ANKRD36C: variants seen among roughly 807,000 people sequenced by gnomAD.
ANKRD36C encodes ankyrin repeat domain-containing protein 36C.
Under a neutral mutation model 276.4 loss-of-function variants are expected in ANKRD36C, and 61 were observed. The ratio of observed to expected loss-of-function variants is 0.22; its 90% CI spans 0.18 to 0.27. The LOEUF (loss-of-function observed/expected upper bound fraction) is 0.27. Among genes scored for constraint, ANKRD36C ranks in the 10% least tolerant of loss-of-function variants. The pLI, the probability that ANKRD36C is intolerant of heterozygous loss-of-function variation, is 1.00. For synonymous variants in ANKRD36C, 483 were observed against 680.1 expected, an observed-to-expected ratio of 0.71 and a Z score of 4.51; for missense variants, 1,447 against 2,032.3, an observed-to-expected ratio of 0.71 and a Z score of 5.54.
intron 61 of ANKRD36C, among the ~76,000 whole-genome samples, chr2:95,858,516 A>T (rs75582530): frequency 6.6e-6 from 1 of 152,210 alleles, no homozygotes; most frequent in Non-Finnish European, 1.5e-5. Flanking sequence ...TAAAGTTACA[A>T]GATAAAAATC....
At chr2:95,891,157 C>G (rs1372148536) in intron 46 of ANKRD36C, among the ~76,000 whole-genome samples, 4 of 151,270 alleles carry the variant, frequency 2.6e-5, no homozygotes, top group Non-Finnish European at 1.5e-5. Flanking sequence ...CAGCAGAAAC[C>G]CCAAAATTAT....
At chr2:95,974,534 G>A (rs192428776) in intron 6 of ANKRD36C, among the ~76,000 whole-genome samples, 2 of 152,134 alleles carry the variant, frequency 1.3e-5, no homozygotes, top group Non-Finnish European at 2.9e-5. Flanking sequence ...AAAGGGAATT[G>A]CACTAAAACA....
intron 48 of ANKRD36C, among the ~76,000 whole-genome samples, chr2:95,889,443 A>G (rs923574478): frequency 3.3e-5 from 5 of 151,568 alleles, no homozygotes; most frequent in African/African-American, 9.7e-5. Flanking sequence ...TTATCACAAT[A>G]CAATCTGACG....
intron 58 of ANKRD36C, among the ~76,000 whole-genome samples, chr2:95,878,437 G>A (rs1194113055): frequency 1.3e-5 from 2 of 151,960 alleles, no homozygotes; most frequent in Non-Finnish European, 2.9e-5. Flanking sequence ...AAAAAAATAG[G>A]TTTCTTAGTA....
chr2:95,980,739 T>G (rs1331626301), exon 5 of ANKRD36C: 2 of 1,608,862 alleles, frequency 1.2e-6, no homozygotes, highest in Non-Finnish European at 1.7e-6. Context: ...AGAAGAAGAA[T>G]GACTATATCT....
intron 12 of ANKRD36C, among the ~76,000 whole-genome samples, chr2:95,958,260 C>T (rs1470795138): frequency 2.6e-5 from 4 of 151,880 alleles, no homozygotes; most frequent in Non-Finnish European, 5.9e-5. Context: ...ATTTCTAGTA[C>T]TTCATCTTGT....
rs1402419511 is a variant in ANKRD36C, at chr2:95,865,042, TATTTGGATTAGCA to T, written c.3682+2385_3682+2397del. Among the ~76,000 whole-genome samples the T allele has an allele frequency of 2.6e-5, 4 of 152,056 alleles. No homozygotes were observed. The East Asian group carries it at 7.7e-4, about 29-fold the overall frequency. ...TTTTCTATAGTTTTATAAAAATGTA[TATTTGGATTAGCA>T]ATGCTCAACCTGTATAAATAAAGTC... On this transcript the variant is annotated intron_variant, in intron 60 of 66. Transcript: ENST00000456556.
At chr2:95,888,617 C>T (rs918666013) in intron 48 of ANKRD36C, among the ~76,000 whole-genome samples, 2 of 151,744 alleles carry the variant, frequency 1.3e-5, no homozygotes, top group African/African-American at 4.8e-5. Flanking sequence ...CTTTACGTCT[C>T]TTCAGTGGAA....
chr2:95,909,062 C>T (rs560190628), intron 42 of ANKRD36C, among the ~76,000 whole-genome samples: 1 of 151,010 alleles, frequency 6.6e-6, no homozygotes, highest in East Asian at 2.0e-4. Context: ...CATGATCCCA[C>T]TTATCTTTCA....
In ANKRD36C at chr2:95,958,206, T is replaced by C. The variant is rs574709789; in HGVS notation, c.1105+385A>G. 1.1e-4 allele frequency among the ~76,000 whole-genome samples: 17 copies of C among 152,154 alleles called. No homozygotes were observed. In the South Asian group the frequency reaches 3.3e-3, roughly 30 times the overall value. On this transcript the variant is annotated intron_variant, in intron 12 of 66. Coordinates refer to ENST00000456556, the Ensembl canonical transcript of ANKRD36C. ...CTATAGTTTTTATGGCTTTTTACGA[T>C]CACTTCTTCCCTCCGGTTTTAGCAA...
intron 17 of ANKRD36C, among the ~76,000 whole-genome samples, chr2:95,946,492 C>T (rs1678054776): frequency 7.0e-6 from 1 of 143,256 alleles, no homozygotes; most frequent in Non-Finnish European, 1.5e-5. Flanking sequence ...TTGTGGAAGT[C>T]AGTGTGGCGA....
chr2:95,912,276 C>A, exon 42 of ANKRD36C: 4 of 1,558,998 alleles, frequency 2.6e-6, no homozygotes, highest in Non-Finnish European at 2.6e-6. Context: ...CTTTTTTTCT[C>A]TGGTTATATT....
intron 34 of ANKRD36C, among the ~76,000 whole-genome samples, chr2:95,919,150 T>G (rs1266553962): frequency 7.4e-6 from 1 of 135,552 alleles, no homozygotes; most frequent in Non-Finnish European, 1.7e-5. Flanking sequence ...AAATCAAATA[T>G]TTTTTAAGCA....
At chr2:95,923,062 C>T (rs1236567843) in intron 32 of ANKRD36C, among the ~76,000 whole-genome samples, 1 of 151,586 alleles carries the variant, frequency 6.6e-6, no homozygotes, top group East Asian at 2.0e-4. Context: ...ATCATTGCTA[C>T]ATCAGTGGTC....
intron 13 of ANKRD36C, among the ~76,000 whole-genome samples, chr2:95,955,027 C>G (rs1379361316): frequency 6.6e-6 from 1 of 152,286 alleles, no homozygotes; most frequent in African/African-American, 2.4e-5. Flanking sequence ...CAGTCATCCA[C>G]CCCAAGCATA....
chr2:95,987,355 T>G (rs1228056062), intron 1 of ANKRD36C, 149 bp from the exon 2 acceptor site: 1 of 1,317,048 alleles, frequency 7.6e-7, no homozygotes, highest in Non-Finnish European at 1.0e-6. Context: ...GAGCAGGCTA[T>G]TTAATAGAAA....
chr2:95,878,962 C>G (rs1362558410), intron 58 of ANKRD36C, among the ~76,000 whole-genome samples: 1 of 152,152 alleles, frequency 6.6e-6, no homozygotes, highest in Non-Finnish European at 1.5e-5. Context: ...TGCTAGGTAA[C>G]TACTCAAAAG....
Position 95,916,101 on chromosome 2 carries a change from T to G in ANKRD36C, c.2376+42A>C, listed in dbSNP as rs1169849870. The G allele has an allele frequency of 1.9e-6, 3 of 1,604,704 alleles. No individual in the cohort carries two copies. In the African/African-American group the frequency reaches 4.0e-5, roughly 22 times the overall value. ...AATAAATAAGGTATGTTTCATAGGC[T>G]ATACGTTTACTAGCTCACAATATAA... On this transcript the variant is annotated intron_variant, in intron 37 of 66. Transcript: ENST00000456556.
At chr2:95,911,655 G>A (rs1373875952) in intron 42 of ANKRD36C, among the ~76,000 whole-genome samples, 2 of 151,398 alleles carry the variant, frequency 1.3e-5, no homozygotes, top group East Asian at 3.9e-4. Flanking sequence ...GCAGTTGCTG[G>A]AGCTGCCAAA....
Sources: allele counts gnomAD v4.1 joint callset (sites outside exome capture counted in the v4.1 genomes callset), GRCh38; gene constraint gnomAD v4.1.1; transcripts MANE v1.5; gene names NCBI Gene and HGNC (gene_info 2026-07-23, HGNC 2026-07-21).